The following G3BP1 variants were observed in gnomAD, a reference collection of about 807,000 sequenced individuals.
G3BP1 encodes the protein ras GTPase-activating protein-binding protein 1.
A neutral mutation model predicts 58.6 loss-of-function variants in G3BP1; 35 were observed. The ratio of observed to expected loss-of-function variants is 0.60; its 90% CI spans 0.46 to 0.79. G3BP1 has a LOEUF of 0.79. Ranked by LOEUF, G3BP1 falls within the 30% of genes least tolerant of loss-of-function variation. The pLI is 0.00. For missense variants in G3BP1, 523 were observed against 580.8 expected, an observed-to-expected ratio of 0.90 and a Z score of 1.02; for synonymous variants, 191 against 195.4, an observed-to-expected ratio of 0.98 and a Z score of 0.19.
At chr5:151,775,983 G>GAA (rs1308317180) in intron 1 of G3BP1, among the ~76,000 whole-genome samples, 2 of 152,144 alleles carry the variant, frequency 1.3e-5, no homozygotes, top group South Asian at 2.1e-4. Flanking sequence ...ACAGAACTGA[G>GAA]AAATTAACAT....
At chr5:151,790,098 G>T (rs1403976084) in intron 2 of G3BP1, among the ~76,000 whole-genome samples, 3 of 147,548 alleles carry the variant, frequency 2.0e-5, no homozygotes, top group African/African-American at 7.6e-5. Context: ...ACTCCAGCCT[G>T]GTCAGCAAGA....
intron 1 of G3BP1, among the ~76,000 whole-genome samples, chr5:151,779,302 T>C (rs6881068): frequency 0.2 from 30,222 of 152,152 alleles, 3,555 homozygotes; most frequent in African/African-American, 0.33. Flanking sequence ...TTGATTACAC[T>C]GAATCATTTT....
At chr5:151,778,483 C>T (rs192863720) in intron 1 of G3BP1, among the ~76,000 whole-genome samples, 15 of 152,022 alleles carry the variant, frequency 9.9e-5, no homozygotes, top group African/African-American at 3.6e-4. Context: ...CTCTTGTTGC[C>T]CGGGCTGGAG....
At position 151,778,390 on chromosome 5, in the gene G3BP1, C is replaced by T. The variant is rs114610542; in HGVS notation, c.-50+6354C>T. 8.4e-3 allele frequency among the ~76,000 whole-genome samples: 1,285 copies of T among 152,174 alleles called. 20 individuals carry two copies. Among genetic ancestry groups the T allele is most frequent in the South Asian group, 0.026 (127 of 4,812 alleles). On this transcript the variant is annotated intron_variant, in intron 1 of 11. Transcript: ENST00000356245. ...TTTGGCATTCATATAATTTCTTTGGCGAAATATCTTTAAGTCTTTTGCTCA... is the reference window on the plus strand; with the variant it reads ...TTTGGCATTCATATAATTTCTTTGGTGAAATATCTTTAAGTCTTTTGCTCA...
chr5:151,789,675 G>GT (rs1368771416), intron 2 of G3BP1, among the ~76,000 whole-genome samples: 1 of 152,196 alleles, frequency 6.6e-6, no homozygotes, highest in Non-Finnish European at 1.5e-5. Flanking sequence ...GAAGATAGCT[G>GT]TTCCAGCCTT....
rs114431051 is a variant in G3BP1, at chr5:151,803,262, G to A, written c.1195-623G>A. Among the ~76,000 whole-genome samples the A allele has an allele frequency of 9.5e-3, 1,440 of 152,210 alleles. 21 individuals are homozygous for A. The highest frequency in any genetic ancestry group is 0.031 in the African/African-American group (1,292 of 41,538). On this transcript the variant is annotated intron_variant, in intron 11 of 11. Coordinates refer to ENST00000356245, the MANE Select transcript of G3BP1 (RefSeq NM_005754.3). ...TGGTGATGATGAGGTTTTATTCTAAGCCTCCAAATCTATGGAGAAGGTGGC... is the reference window on the plus strand; with the variant it reads ...TGGTGATGATGAGGTTTTATTCTAAACCTCCAAATCTATGGAGAAGGTGGC...
chr5:151,791,846 G>A (rs534399633), intron 4 of G3BP1: 5 of 304,100 alleles, frequency 1.6e-5, no homozygotes, highest in South Asian at 1.1e-4. Context: ...TAGTAGTGAT[G>A]GGGTTTCACC....
chr5:151,794,359 A>G (rs1762711182), intron 5 of G3BP1, 110 bp downstream of exon 5: 4 of 656,176 alleles, frequency 6.1e-6, no homozygotes, highest in Non-Finnish European at 5.5e-6. Context: ...TCTGTTCTTC[A>G]TTAATAACTA....
intron 11 of G3BP1, among the ~76,000 whole-genome samples, chr5:151,801,851 G>A (rs554547190): frequency 1.3e-5 from 2 of 149,338 alleles, no homozygotes; most frequent in South Asian, 2.1e-4. Context: ...GTCTCTCTCT[G>A]CCACCCAGGC....
chr5:151,799,947 A>T lies in G3BP1; in HGVS notation c.902A>T (p.Gln301Leu). 6.2e-7 allele frequency: 1 copy of T among 1,613,712 alleles called. No individual in the cohort carries two copies. Among genetic ancestry groups the T allele is most frequent in the Non-Finnish European group, 8.5e-7 (1 of 1,179,562 alleles). ...CCACCACAAAGACCTCAGCGGGATC[A>T]AAGAGTGCGAGAACAACGAATAAAT... is the stretch of plus-strand genomic sequence containing the variant. Reference protein sequence around the residue: ...QIPPQRPQRDQRVREQRINIP... With the variant: ...QIPPQRPQRDLRVREQRINIP... Residue 301 changes from glutamine to leucine, a missense_variant, in exon 9 of 12, where the codon CAA becomes CTA. Around this residue, in one of 2 missense-constraint regions of G3BP1, gnomAD observed 398 missense variants for 399.1 expected, o/e 1.00. Coordinates refer to ENST00000356245, the MANE Select transcript of G3BP1 (RefSeq NM_005754.3).
Position 151,790,382 on chromosome 5 carries a change from C to A in G3BP1, c.155C>A (p.Ala52Glu). 1 of 1,580,732 alleles carries A rather than the reference C, an allele frequency of 6.3e-7. No individual in the cohort carries two copies. The highest frequency in any genetic ancestry group is 8.6e-7 in the Non-Finnish European group (1 of 1,161,858). ...GGATTGGATTCAAATGGAAAGCCAGCAGATGCAGTCTACGGACAGAAAGTA... is the reference window on the plus strand; with the variant it reads ...GGATTGGATTCAAATGGAAAGCCAGAAGATGCAGTCTACGGACAGAAAGTA... ...HGGLDSNGKP[A>E]DAVYGQKEIH... Residue 52 changes from alanine to glutamate, a missense_variant, in exon 3 of 12, where the codon GCA (alanine) becomes GAA (glutamate). Ala to Glu is a moderately radical substitution (Grantham distance 107). Around this residue, in one of 2 missense-constraint regions of G3BP1, gnomAD observed 398 missense variants for 399.1 expected, o/e 1.00. Transcript: ENST00000356245.
At chr5:151,782,701 T>C (rs1404619949) in intron 1 of G3BP1, among the ~76,000 whole-genome samples, 2 of 152,056 alleles carry the variant, frequency 1.3e-5, no homozygotes, top group African/African-American at 4.8e-5. Flanking sequence ...TTCTTTTTTT[T>C]CCCCTCTGAT....
At position 151,790,110 on chromosome 5, in the gene G3BP1, C is replaced by CAAA. The variant is rs759799755; in HGVS notation, c.96-195_96-193dup. On this transcript the variant is annotated intron_variant, in intron 2 of 11. Coordinates refer to ENST00000356245, the MANE Select transcript of G3BP1 (RefSeq NM_005754.3). ...TGCACTCCAGCCTGGTCAGCAAGAG[C>CAAA]AAAAAAAAAAAAAAAAAAAATGTGC... Among the ~76,000 whole-genome samples, 7 of 57,158 alleles carry CAAA rather than the reference C, an allele frequency of 1.2e-4. No homozygotes were observed. The South Asian group carries it at 1.6e-3, about 13-fold the overall frequency. The allele number at this position is 57,158 out of a possible 152,430, so 37.5% of individuals were successfully genotyped here.
Position 151,790,418 on chromosome 5 carries a change from G to T in G3BP1, c.177+14G>T, listed in dbSNP as rs1264123732. On this transcript the variant is annotated intron_variant, in intron 3 of 11. Transcript: ENST00000356245. ...TACGGACAGAAAGTAAGCATTTCAAGCCTTATTTAGGCTGTTAAGCAGGTA... is the reference window on the plus strand; with the variant it reads ...TACGGACAGAAAGTAAGCATTTCAATCCTTATTTAGGCTGTTAAGCAGGTA... 6.8e-7 allele frequency: 1 copy of T among 1,470,910 alleles called. No homozygotes were observed. The highest frequency in any genetic ancestry group is 1.4e-5 in the African/African-American group (1 of 70,132). 91.1% of individuals were successfully genotyped at this position (1,470,910 alleles called of 1,614,324 possible). A position where few individuals can be genotyped will look rare whatever the true frequency, so the allele number is the denominator to read the frequency against.
At chr5:151,791,436 A>G (rs1368113415) in intron 4 of G3BP1, 3 of 174,366 alleles carry the variant, frequency 1.7e-5, no homozygotes, top group South Asian at 2.5e-4. Flanking sequence ...ATAATTACAC[A>G]TTGCATTTAG....
intron 7 of G3BP1, among the ~76,000 whole-genome samples, chr5:151,798,420 T>C (rs2113246110): frequency 6.6e-6 from 1 of 152,212 alleles, no homozygotes; most frequent in Admixed American, 6.5e-5. Flanking sequence ...TTGGTTATTA[T>C]AGTAACCCTA....
At chr5:151,798,661 GA>G (rs1762796279) in intron 7 of G3BP1, among the ~76,000 whole-genome samples, 1 of 152,170 alleles carries the variant, frequency 6.6e-6, no homozygotes, top group African/African-American at 2.4e-5. Context: ...TCACAGATTT[GA>G]ATGAAAGTAG....
At chr5:151,798,661 G>A (rs1302099407) in intron 7 of G3BP1, among the ~76,000 whole-genome samples, 2 of 152,170 alleles carry the variant, frequency 1.3e-5, no homozygotes. Flanking sequence ...TCACAGATTT[G>A]AATGAAAGTA....
rs1762266670 is a variant in G3BP1, at chr5:151,772,024, C to G, written c.-62C>G. 6.5e-6 allele frequency: 1 copy of G among 152,724 alleles called. No individual in the cohort carries two copies. Among genetic ancestry groups the G allele is most frequent in the Non-Finnish European group, 1.5e-5 (1 of 68,392 alleles). 9.5% of individuals were successfully genotyped at this position (152,724 alleles called of 1,614,324 possible). A position where few individuals can be genotyped will look rare whatever the true frequency, so the allele number is the denominator to read the frequency against. On this transcript the variant is annotated 5_prime_UTR_variant, in exon 1 of 12. Transcript: ENST00000356245. ...TGGTGCAGAGCTAGTTCCTCTCCAG[C>G]TCAGCCGCGTAGGTACGCCGGGGTG...
Sources: gnomAD v4.1 joint callset for allele counts (sites outside exome capture counted in the v4.1 genomes callset) on GRCh38, gnomAD v4.1.1 for gene constraint, gnomAD v4.1.1 regional missense constraint, MANE v1.5 for transcripts, NCBI Gene and HGNC (gene_info 2026-07-23, HGNC 2026-07-21) for gene names.